The following RNF220 variants were observed in gnomAD, a reference collection of about 807,000 sequenced individuals.
The protein encoded by RNF220 is E3 ubiquitin-protein ligase RNF220.
In RNF220, 7 loss-of-function variants were observed where a neutral mutation model predicts 67.1. That is an observed-to-expected ratio of 0.10 (90% confidence interval 0.06 to 0.20). The LOEUF is 0.20. RNF220 is among the 10% of genes least tolerant of loss of function. The pLI, the probability that RNF220 is intolerant of heterozygous loss-of-function variation, is 1.00. For missense variants in RNF220, 565 were observed against 740.3 expected, an observed-to-expected ratio of 0.76 and a Z score of 2.75; for synonymous variants, 270 against 283.2, an observed-to-expected ratio of 0.95 and a Z score of 0.47.
Position 44,614,312 on chromosome 1 carries a change from A to G in RNF220, c.758+15A>G. 6.2e-7 allele frequency: 1 copy of G among 1,612,744 alleles called. No homozygotes were observed. The highest frequency in any genetic ancestry group is 1.1e-5 in the South Asian group (1 of 90,814). ...CTGCCCTCGAGGTAAGCCACCTCCC[A>G]GGGAGCCTGCCTGCTGGAGGAGTCC... On this transcript the variant is annotated intron_variant, in intron 3 of 14. Transcript: ENST00000361799.
At chr1:44,585,939 G>A (rs985050260) in intron 2 of RNF220, among the ~76,000 whole-genome samples, 4 of 152,070 alleles carry the variant, frequency 2.6e-5, no homozygotes, top group East Asian at 1.9e-4. Flanking sequence ...CTGTAGACCC[G>A]AATCTACCTG....
intron 8 of RNF220, among the ~76,000 whole-genome samples, chr1:44,637,899 C>A (rs1644374016): frequency 1.3e-5 from 2 of 152,234 alleles, no homozygotes; most frequent in South Asian, 4.1e-4. Flanking sequence ...CTCCAGCTTT[C>A]CTGATAGAAG....
intron 2 of RNF220, among the ~76,000 whole-genome samples, chr1:44,522,059 A>G (rs1317043617): frequency 6.6e-6 from 1 of 152,140 alleles, no homozygotes; most frequent in Non-Finnish European, 1.5e-5. Flanking sequence ...TTTAGGATTT[A>G]TTAAGAAAAA....
At chr1:44,544,047 C>G (rs1661911011) in intron 2 of RNF220, among the ~76,000 whole-genome samples, 2 of 152,188 alleles carry the variant, frequency 1.3e-5, no homozygotes, top group South Asian at 2.1e-4. Context: ...GGACAGAGAG[C>G]AGCAGCTCTC....
At chr1:44,556,848 C>G (rs911319625) in intron 2 of RNF220, among the ~76,000 whole-genome samples, 17 of 152,052 alleles carry the variant, frequency 1.1e-4, no homozygotes, top group Admixed American at 3.3e-4. Context: ...CGTAAGCCAC[C>G]GCGCCCGGCC....
In RNF220 at chr1:44,625,566, G is replaced by T. The variant is rs148677004; in HGVS notation, c.805-731G>T. On this transcript the variant is annotated intron_variant, in intron 4 of 14. Coordinates refer to ENST00000361799, the MANE Select transcript of RNF220 (RefSeq NM_018150.4). ...GCTCAGAGCTGTACAGGCTGGAGAA[G>T]GTGGGGGGAGGAAGTATGGATTGCT... is the stretch of plus-strand genomic sequence containing the variant. Among the ~76,000 whole-genome samples, 104 of 152,300 alleles carry T rather than the reference G, an allele frequency of 6.8e-4. 1 individual carries two copies. The highest frequency in any genetic ancestry group is 2.5e-3 in the African/African-American group (103 of 41,560).
intron 2 of RNF220, among the ~76,000 whole-genome samples, chr1:44,475,717 A>G (rs1192011192): frequency 2.7e-5 from 4 of 150,908 alleles, no homozygotes; most frequent in Non-Finnish European, 5.9e-5. Context: ...TATTGAGTGT[A>G]TTAATCTCTA....
intron 2 of RNF220, among the ~76,000 whole-genome samples, chr1:44,479,401 C>T (rs1411486742): frequency 6.6e-6 from 1 of 152,106 alleles, no homozygotes; most frequent in African/African-American, 2.4e-5. Context: ...CAGGTGTGAG[C>T]CACCGCGCTC....
chr1:44,530,531 C>CAAAAAAAA (rs34069585), intron 2 of RNF220, among the ~76,000 whole-genome samples: 4 of 136,452 alleles, frequency 2.9e-5, no homozygotes, highest in Non-Finnish European at 4.7e-5. Context: ...GTCAAATCTG[C>CAAAAAAAA]AAAAAAAAAA....
At chr1:44,591,427 C>T (rs188471796) in intron 2 of RNF220, among the ~76,000 whole-genome samples, 1 of 152,348 alleles carries the variant, frequency 6.6e-6, no homozygotes, top group Non-Finnish European at 1.5e-5. Flanking sequence ...GTCCCAGAGC[C>T]ATTATGCACT....
At chr1:44,569,266 G>A (rs1465354418) in intron 2 of RNF220, among the ~76,000 whole-genome samples, 6 of 152,182 alleles carry the variant, frequency 3.9e-5, no homozygotes, top group South Asian at 2.1e-4. Flanking sequence ...CCATTAGTAC[G>A]TCTTTCCTAC....
At chr1:44,513,488 C>A (rs1659200760) in intron 2 of RNF220, among the ~76,000 whole-genome samples, 2 of 149,804 alleles carry the variant, frequency 1.3e-5, no homozygotes, top group Admixed American at 6.7e-5. Flanking sequence ...TAAAAAAAAA[C>A]ACACAAAACA....
rs112677398 is a variant in RNF220, at chr1:44,405,397, C to T, written c.-251C>T. 1.1e-4 allele frequency: 62 copies of T among 559,170 alleles called. No homozygotes were observed. Among genetic ancestry groups the T allele is most frequent in the Middle Eastern group, 3.5e-4 (1 of 2,846 alleles). The allele number at this position is 559,170 out of a possible 1,614,324, so 34.6% of individuals were successfully genotyped here. A position where few individuals can be genotyped will look rare whatever the true frequency, so the allele number is the denominator to read the frequency against. ...CGCCTACTGCTGCTGCTGCTGCTGC[C>T]GCTGCCGCCGCCGCCGCCGCCGCTG... On this transcript the variant is annotated 5_prime_UTR_variant, in exon 1 of 15. Transcript: ENST00000361799.
rs1419863966 is a variant in RNF220, at chr1:44,622,680, C to G, written c.759-62C>G. 4.1e-6 allele frequency: 6 copies of G among 1,480,698 alleles called. No individual in the cohort carries two copies. In the East Asian group the frequency reaches 1.4e-4, roughly 33 times the overall value. The allele number at this position is 1,480,698 out of a possible 1,614,324, so 91.7% of individuals were successfully genotyped here. On this transcript the variant is annotated intron_variant, in intron 3 of 14. Coordinates refer to ENST00000361799, the MANE Select transcript of RNF220 (RefSeq NM_018150.4). The surrounding 1 kb of genome is among the most constrained non-coding windows in gnomAD (Gnocchi z 4.3). ...CTGTCTTTGGGGTCTTCTTGCTACT[C>G]TACCGTTGCATGCCCTGGGCAGCAG...
intron 2 of RNF220, among the ~76,000 whole-genome samples, chr1:44,474,151 G>T (rs1655067084): frequency 6.6e-6 from 1 of 151,758 alleles, no homozygotes; most frequent in South Asian, 2.1e-4. Flanking sequence ...GAGGCAGGTG[G>T]ATTACCTGAG....
At chr1:44,556,939 A>G (rs1323552858) in intron 2 of RNF220, among the ~76,000 whole-genome samples, 2 of 151,784 alleles carry the variant, frequency 1.3e-5, no homozygotes, top group Admixed American at 1.3e-4. Context: ...TGCTCACTAT[A>G]TCACTGAGCT....
chr1:44,448,123 ACT>A (rs902863106), intron 2 of RNF220, among the ~76,000 whole-genome samples: 1 of 151,968 alleles, frequency 6.6e-6, no homozygotes, highest in Non-Finnish European at 1.5e-5. Context: ...ACATGGCAAA[ACT>A]CTGTCTCTAC....
At chr1:44,502,147 TCTCTCTCTCTCACA>T (rs1451957468) in intron 2 of RNF220, among the ~76,000 whole-genome samples, 1 of 120,070 alleles carries the variant, frequency 8.3e-6, no homozygotes, top group African/African-American at 3.0e-5. Context: ...TCTCTCTCTC[TCTCTCTCTCTCACA>T]CACACACACA....
At chr1:44,544,090 C>A (rs1234353507) in intron 2 of RNF220, among the ~76,000 whole-genome samples, 5 of 152,236 alleles carry the variant, frequency 3.3e-5, no homozygotes, top group Non-Finnish European at 5.9e-5. Flanking sequence ...TCCTCATCCC[C>A]AGGGAATACC....
Sources: allele counts gnomAD v4.1 joint callset (sites outside exome capture counted in the v4.1 genomes callset), GRCh38; gene constraint gnomAD v4.1.1; non-coding constraint Gnocchi (gnomAD v3.1); transcripts MANE v1.5; gene names NCBI Gene and HGNC (gene_info 2026-07-23, HGNC 2026-07-21).